The following C8A variants were observed in gnomAD, a reference collection of about 807,000 sequenced individuals.
C8A encodes the protein complement C8 alpha chain, also known as complement component C8 alpha chain.
Under a neutral mutation model 65.3 loss-of-function variants are expected in C8A, and 67 were observed. The observed-to-expected ratio is 1.03, with a 90% CI of 0.84 to 1.26. C8A has a LOEUF of 1.26. Ranked by LOEUF, C8A falls within the 50% of genes most tolerant of loss-of-function variation. C8A has a pLI of 0.00. For synonymous variants in C8A, 290 were observed against 259.4 expected (o/e 1.12, Z -1.13); for missense variants, 781 against 723.9 (o/e 1.08, Z -0.90).
intron 3 of C8A, 38 bp from the exon 4 acceptor site, chr1:56,876,024 G>A (rs1286672150): frequency 1.9e-6 from 3 of 1,607,258 alleles, no homozygotes; most frequent in Middle Eastern, 1.8e-4. Context: ...TGGAGGGAGA[G>A]GGGAACCCGA....
chr1:56,890,001 C>A (rs1376732391), intron 7 of C8A, among the ~76,000 whole-genome samples: 1 of 152,038 alleles, frequency 6.6e-6, no homozygotes, highest in African/African-American at 2.4e-5. Context: ...AGATTTTTTT[C>A]CCCTCCTTCA....
At chr1:56,894,900 C>T (rs1057368314) in intron 7 of C8A, among the ~76,000 whole-genome samples, 1 of 152,104 alleles carries the variant, frequency 6.6e-6, no homozygotes, top group African/African-American at 2.4e-5. Context: ...GGTTACCACC[C>T]AAAGTGAACT....
intron 1 of C8A, among the ~76,000 whole-genome samples, chr1:56,859,583 G>C (rs929854167): frequency 1.1e-4 from 16 of 152,160 alleles, no homozygotes; most frequent in African/African-American, 3.9e-4. Context: ...TTAAAGTTCT[G>C]TATGGAATTC....
At chr1:56,885,439 A>ATATATTTAC (rs1319825623) in intron 6 of C8A, among the ~76,000 whole-genome samples, 2 of 119,470 alleles carry the variant, frequency 1.7e-5, no homozygotes, top group African/African-American at 7.5e-5. Context: ...TATATATTTA[A>ATATATTTAC]GTAAATATAT....
At chr1:56,901,835 G>A (rs1446153678) in intron 7 of C8A, among the ~76,000 whole-genome samples, 2 of 151,942 alleles carry the variant, frequency 1.3e-5, no homozygotes, top group Non-Finnish European at 2.9e-5. Context: ...CCCTGACCCT[G>A]CTGCCCTGTG....
intron 1 of C8A, among the ~76,000 whole-genome samples, chr1:56,860,836 G>C (rs923540982): frequency 6.6e-6 from 1 of 152,180 alleles, no homozygotes; most frequent in Admixed American, 6.5e-5. Context: ...AAGAAAGACC[G>C]GACTGCACTT....
chr1:56,868,539 G>A (rs531667004), intron 2 of C8A, among the ~76,000 whole-genome samples: 56 of 152,072 alleles, frequency 3.7e-4, no homozygotes, highest in Non-Finnish European at 6.8e-4. Context: ...GATCACTTGC[G>A]CCCAGGAGTT....
At chr1:56,894,660 A>G (rs545512003) in intron 7 of C8A, among the ~76,000 whole-genome samples, 9 of 152,290 alleles carry the variant, frequency 5.9e-5, no homozygotes, top group African/African-American at 1.7e-4. Flanking sequence ...TTATAGCTCT[A>G]CATCCTCTTC....
intron 1 of C8A, among the ~76,000 whole-genome samples, chr1:56,866,896 G>A (rs1453383772): frequency 1.3e-5 from 2 of 152,186 alleles, no homozygotes; most frequent in Non-Finnish European, 2.9e-5. Context: ...GTAGCATGAT[G>A]AGGAGCAGGA....
At chr1:56,855,530 G>A (rs1047779675) in intron 1 of C8A, among the ~76,000 whole-genome samples, 1 of 152,016 alleles carries the variant, frequency 6.6e-6, no homozygotes, top group East Asian at 1.9e-4. Context: ...TTCTAAAAAT[G>A]ACTTTATCTT....
At position 56,867,650 on chromosome 1, in the gene C8A, A is replaced by G. The variant is rs1312905733; in HGVS notation, c.119A>G (p.Gln40Arg). ...GCTACACCCGCAGCAGTTACCTGCC[A>G]GCTGAGCAACTGGTCAGAGTGGACA... ...RAATPAAVTC[Q>R]LSNWSEWTDC... The change falls in exon 2 of 11, where the codon CAG becomes CGG. Residue 40 changes from glutamine (Q) to arginine (R), a missense_variant. By Grantham distance (43) the Gln-to-Arg change is conservative. Coordinates refer to ENST00000361249, the MANE Select transcript of C8A (RefSeq NM_000562.3). The G allele has an allele frequency of 1.9e-6, 3 of 1,613,878 alleles. No individual in the cohort carries two copies.
intron 1 of C8A, among the ~76,000 whole-genome samples, chr1:56,867,220 A>G (rs529605856): frequency 6.6e-6 from 1 of 152,272 alleles, no homozygotes; most frequent in South Asian, 2.1e-4. Context: ...AGAGATATTA[A>G]GTAATTTACT....
At chr1:56,907,860 T>C in intron 8 of C8A, 96 bp from the exon 9 acceptor site, 1 of 1,416,236 alleles carries the variant, frequency 7.1e-7, no homozygotes, top group Non-Finnish European at 1.0e-6. Flanking sequence ...AAGGAAAACA[T>C]GTAAACTTTC....
chr1:56,867,815 T>A, intron 2 of C8A, 113 bp downstream of exon 2: 1 of 788,518 alleles, frequency 1.3e-6, no homozygotes, highest in Admixed American at 2.0e-5. Flanking sequence ...AAATTGGGTC[T>A]AGAAATTGTT....
intron 1 of C8A, among the ~76,000 whole-genome samples, chr1:56,862,336 G>A (rs1570312821): frequency 1.3e-5 from 2 of 151,592 alleles, no homozygotes; most frequent in Non-Finnish European, 1.5e-5. Context: ...TGTTTCAACT[G>A]TGTTACATAG....
At chr1:56,878,232 C>A (rs1644216743) in intron 4 of C8A, among the ~76,000 whole-genome samples, 1 of 152,082 alleles carries the variant, frequency 6.6e-6, no homozygotes, top group Non-Finnish European at 1.5e-5. Flanking sequence ...AGCTTAATTA[C>A]CCCATTAAGG....
intron 4 of C8A, 110 bp from the exon 5 acceptor site, chr1:56,881,335 G>A (rs1391040291): frequency 1.8e-6 from 2 of 1,104,690 alleles, no homozygotes; most frequent in Non-Finnish European, 2.8e-6. Flanking sequence ...GTGCAGGTTT[G>A]TCACATAGGT....
chr1:56,856,274 TG>T (rs761816934), intron 1 of C8A, among the ~76,000 whole-genome samples: 2 of 152,170 alleles, frequency 1.3e-5, no homozygotes, highest in Non-Finnish European at 2.9e-5. Context: ...ACTAGCTGTC[TG>T]ATCTCAGGCA....
At chr1:56,877,127 G>T (rs1644206018) in intron 4 of C8A, among the ~76,000 whole-genome samples, 1 of 152,174 alleles carries the variant, frequency 6.6e-6, no homozygotes, top group African/African-American at 2.4e-5. Flanking sequence ...ACAGCGAAAA[G>T]GCGGCTGTCT....
Sources: allele counts gnomAD v4.1 joint callset (sites outside exome capture counted in the v4.1 genomes callset), GRCh38; gene constraint gnomAD v4.1.1; transcripts MANE v1.5; gene names NCBI Gene and HGNC (gene_info 2026-07-23, HGNC 2026-07-21).